Variants in CACNA1H observed in about 807,000 individuals in gnomAD.
CACNA1H encodes calcium voltage-gated channel subunit alpha1 H, also known as voltage-dependent T-type calcium channel subunit alpha-1H.
A neutral mutation model predicts 192.5 loss-of-function variants in CACNA1H; 149 were observed. The observed-to-expected ratio is 0.77, with a 90% confidence interval of 0.68 to 0.89. The LOEUF (loss-of-function observed/expected upper bound fraction) is 0.89, where lower values mean the gene tolerates loss of function less well. Among genes scored for constraint, CACNA1H ranks in the 40% least tolerant of loss-of-function variants. The probability of loss-of-function intolerance (pLI) is 0.00; values close to 1 mark genes in which losing one functional copy is unlikely to be tolerated. For missense variants in CACNA1H, 4,257 were observed against 3,423.5 expected (o/e 1.24, Z -6.08); for synonymous variants, 2,202 against 1,475.2 (o/e 1.49, Z -11.29).
chr16:1,210,340 CCCACCTCTCACCCGCCCCCGCCCA>C lies in CACNA1H; in HGVS notation c.3846-27_3846-4del. 1 of 1,000,358 alleles carries C rather than the reference CCCACCTCTCACCCGCCCCCGCCCA, an allele frequency of 1.0e-6. No homozygotes were observed. The highest frequency in any genetic ancestry group is 1.6e-5 in the African/African-American group (1 of 62,224). The allele number at this position is 1,000,358 out of a possible 1,614,324, so 62.0% of individuals were successfully genotyped here. A position where few individuals can be genotyped will look rare whatever the true frequency, so the allele number is the denominator to read the frequency against. On this transcript the variant is annotated splice_polypyrimidine_tract_variant and splice_region_variant and intron_variant, in intron 18 of 34. Transcript: ENST00000348261. ...CACTCTGCCATCCACGCCGCCCCGC[CCCACCTCTCACCCGCCCCCGCCCA>C]CCCAGGTTCCGCGTCTCCTGCCAGA...
At chr16:1,205,086 C>G (rs770591765) in intron 10 of CACNA1H, 28 bp from the exon 11 acceptor site, 1 of 1,600,010 alleles carries the variant, frequency 6.2e-7, no homozygotes, top group Admixed American at 1.7e-5. Context: ...GGTGCGGCCT[C>G]CTGAACTGTC....
intron 9 of CACNA1H, among the ~76,000 whole-genome samples, chr16:1,203,396 T>C (rs1436009862): frequency 2.6e-5 from 4 of 152,118 alleles, no homozygotes; most frequent in South Asian, 2.1e-4. Context: ...GCTGCTGTTA[T>C]ATTTCTGTGG....
intron 12 of CACNA1H, 179 bp downstream of exon 12, chr16:1,206,468 G>A: frequency 4.9e-6 from 3 of 617,612 alleles, no homozygotes; most frequent in South Asian, 2.1e-5. Context: ...CCTACTGTGT[G>A]CCACGTGTTA....
chr16:1,220,531 A>G lies in CACNA1H; in HGVS notation c.6599A>G (p.Asp2200Gly). Reference protein sequence around the residue: ...PCISVEPPAEDEGSARPSAAE... With the variant: ...PCISVEPPAEGEGSARPSAAE... ...ATCTCGGTGGAACCCCCTGCGGAGG[A>G]CGAGGGCTCTGCGCGGCCCTCCGCG... Residue 2200 changes from aspartate (D) to glycine (G), a missense_variant, in exon 35 of 35, where the codon GAC becomes GGC. By Grantham distance (94) the Asp-to-Gly change is moderately conservative (BLOSUM62 -1). Coordinates refer to ENST00000348261, the MANE Select transcript of CACNA1H (RefSeq NM_021098.3). 1 of 1,534,858 alleles carries G rather than the reference A, an allele frequency of 6.5e-7. No individual in the cohort carries two copies. The highest frequency in any genetic ancestry group is 2.3e-5 in the East Asian group (1 of 44,358).
In CACNA1H at chr16:1,214,580, G is replaced by GCCCATGTC. The variant is rs200404136; in HGVS notation, c.4930-380_4930-373dup. 1.6e-3 allele frequency among the ~76,000 whole-genome samples: 243 copies of GCCCATGTC among 152,282 alleles called. 2 individuals carry two copies. In the East Asian group the frequency reaches 0.032, roughly 20 times the overall value. On this transcript the variant is annotated intron_variant, in intron 27 of 34. Coordinates refer to ENST00000348261, the MANE Select transcript of CACNA1H (RefSeq NM_021098.3). ...CGGTGCTCAGAGTTGGGCCCTGTGA[G>GCCCATGTC]CCCATGTCCCCATGTCCCCGAGGTG... is the stretch of plus-strand genomic sequence containing the variant.
At chr16:1,169,112 G>C (rs941846295) in intron 2 of CACNA1H, among the ~76,000 whole-genome samples, 2 of 150,536 alleles carry the variant, frequency 1.3e-5, no homozygotes, top group Non-Finnish European at 3.0e-5. Flanking sequence ...ATACCAGAAC[G>C]CTGGGTGTGC....
intron 6 of CACNA1H, among the ~76,000 whole-genome samples, chr16:1,199,178 C>G (rs1185583509): frequency 1.6e-5 from 1 of 61,168 alleles, no homozygotes; most frequent in African/African-American, 6.6e-5. Context: ...GCCCCACCCC[C>G]ATCATGGCTC....
Position 1,202,259 on chromosome 16 carries a change from A to T in CACNA1H, c.1809A>T (p.Arg603Ser). 6.4e-7 allele frequency: 1 copy of T among 1,571,524 alleles called. No homozygotes were observed. Among genetic ancestry groups the T allele is most frequent in the South Asian group, 1.2e-5 (1 of 85,424 alleles). The change falls in exon 9 of 35, where the codon AGA (arginine) becomes AGT (serine). Residue 603 changes from arginine (R) to serine (S), a missense_variant. Coordinates refer to ENST00000348261, the MANE Select transcript of CACNA1H (RefSeq NM_021098.3). ...CAGCCACTGCCGCTGCCAGCCTCAG[A>T]CTGGCCACAGGGCTGGGCACCATGA... ...HAAATAAASLRLATGLGTMNY... is the reference protein window; with the variant it reads ...HAAATAAASLSLATGLGTMNY...
intron 33 of CACNA1H, 149 bp from the exon 34 acceptor site, chr16:1,218,821 C>T (rs1285645348): frequency 1.5e-5 from 15 of 977,092 alleles, no homozygotes; most frequent in Admixed American, 5.0e-5. Context: ...ATTGAGGAGG[C>T]TGGGTGTGGG....
At chr16:1,176,856 G>C (rs1381353860) in intron 2 of CACNA1H, among the ~76,000 whole-genome samples, 1 of 152,194 alleles carries the variant, frequency 6.6e-6, no homozygotes, top group African/African-American at 2.4e-5. Context: ...CCCAGGGGAC[G>C]GGGAGGGGGT....
At chr16:1,216,540 C>A (rs935813549) in intron 30 of CACNA1H, among the ~76,000 whole-genome samples, 1 of 152,364 alleles carries the variant, frequency 6.6e-6, no homozygotes, top group African/African-American at 2.4e-5. Context: ...GCCATGGGAT[C>A]TCTGAGGTAG....
At chr16:1,215,694 C>G (rs1969968719) in intron 30 of CACNA1H, 101 bp downstream of exon 30, 2 of 950,372 alleles carry the variant, frequency 2.1e-6, no homozygotes, top group African/African-American at 3.2e-5. Context: ...TTCTCTGGTC[C>G]CTCGGTTGTG....
Position 1,174,970 on chromosome 16 carries a change from A to G in CACNA1H, c.300-20002A>G, listed in dbSNP as rs1385962241. Among the ~76,000 whole-genome samples the G allele has an allele frequency of 1.4e-4, 3 of 21,824 alleles. No individual in the cohort carries two copies. The South Asian group carries it at 4.7e-3, about 34-fold the overall frequency. 14.3% of individuals were successfully genotyped at this position (21,824 alleles called of 152,430 possible). A position where few individuals can be genotyped will look rare whatever the true frequency, so the allele number is the denominator to read the frequency against. On this transcript the variant is annotated intron_variant, in intron 2 of 34. Transcript: ENST00000348261. ...CCCACCCCCCACCTCCACCCCCACC[A>G]GCCGGGCCTGGCCATGGCTCCGTGG...
chr16:1,159,228 T>C (rs867477713), intron 2 of CACNA1H, among the ~76,000 whole-genome samples: 26 of 152,066 alleles, frequency 1.7e-4, no homozygotes, highest in African/African-American at 5.8e-4. Flanking sequence ...GCCTGAGCCC[T>C]GTGACCGAGG....
Position 1,198,920 on chromosome 16 carries a change from G to A in CACNA1H, c.803+146G>A, listed in dbSNP as rs1445566062. 158 of 732,974 alleles carry A rather than the reference G, an allele frequency of 2.2e-4. 1 individual carries two copies. In the East Asian group the frequency reaches 3.9e-3, roughly 18 times the overall value. 45.4% of individuals were successfully genotyped at this position (732,974 alleles called of 1,614,324 possible). On this transcript the variant is annotated intron_variant, in intron 6 of 34. Transcript: ENST00000348261. The stretch of plus-strand genomic sequence containing the variant: ...CCACTGCTGTCCCCGTCATGGCTCC[G>A]TCCACCATGCTGTCTCCCGCCCCCA...
intron 31 of CACNA1H, among the ~76,000 whole-genome samples, chr16:1,217,583 C>T (rs1812345974): frequency 6.6e-6 from 1 of 152,238 alleles, no homozygotes; most frequent in Non-Finnish European, 1.5e-5. Context: ...AGTCCAGTGT[C>T]TGTCCACCAG....
At chr16:1,194,098 C>T (rs1035337709) in intron 2 of CACNA1H, among the ~76,000 whole-genome samples, 4 of 151,976 alleles carry the variant, frequency 2.6e-5, no homozygotes, top group East Asian at 1.9e-4. Flanking sequence ...CTGTGGTCTG[C>T]GCCAGGTGGG....
At chr16:1,193,461 T>C (rs1417465413) in intron 2 of CACNA1H, among the ~76,000 whole-genome samples, 1 of 152,216 alleles carries the variant, frequency 6.6e-6, no homozygotes, top group African/African-American at 2.4e-5. Flanking sequence ...CAGCAAGGAC[T>C]GTGCTCTGAG....
At chr16:1,172,404 C>G (rs1288275747) in intron 2 of CACNA1H, among the ~76,000 whole-genome samples, 5 of 152,092 alleles carry the variant, frequency 3.3e-5, no homozygotes, top group Non-Finnish European at 2.9e-5. Flanking sequence ...CAGGCGTCCT[C>G]CCCTCTTAGA....
Sources: gnomAD v4.1 joint callset for allele counts (sites outside exome capture counted in the v4.1 genomes callset) on GRCh38, gnomAD v4.1.1 for gene constraint, MANE v1.5 for transcripts, NCBI Gene and HGNC (gene_info 2026-07-23, HGNC 2026-07-21) for gene names.